Variants in MBP observed in about 807,000 individuals in gnomAD.
MBP encodes the protein myelin basic protein.
Under a neutral mutation model 35.8 loss-of-function variants are expected in MBP, and 16 were observed. The ratio of observed to expected loss-of-function variants is 0.45; its 90% CI spans 0.30 to 0.68. MBP has a LOEUF of 0.68. MBP is among the 30% of genes least tolerant of loss of function. MBP has a pLI of 0.08. For synonymous variants in MBP, 143 were observed against 159.6 expected, an observed-to-expected ratio of 0.90 and a Z score of 0.78; for missense variants, 380 against 404.7, an observed-to-expected ratio of 0.94 and a Z score of 0.52.
At chr18:77,062,248 G>A (rs184011506) in intron 3 of MBP, among the ~76,000 whole-genome samples, 17 of 152,304 alleles carry the variant, frequency 1.1e-4, no homozygotes, top group Non-Finnish European at 2.2e-4. Context: ...TTAGCCCCAC[G>A]ATTAGTCAAC....
intron 2 of MBP, among the ~76,000 whole-genome samples, chr18:77,067,218 C>G (rs1974236051): frequency 1.3e-5 from 2 of 152,236 alleles, no homozygotes; most frequent in African/African-American, 4.8e-5. Context: ...CCCCCCCGCC[C>G]CCTTCTGGGA....
chr18:76,998,012 T>C (rs1232521431), intron 4 of MBP, among the ~76,000 whole-genome samples: 2 of 152,222 alleles, frequency 1.3e-5, no homozygotes, highest in Admixed American at 6.5e-5. Context: ...AATTTTTTTA[T>C]TGTGGTGAAA....
chr18:77,096,416 G>A (rs75966515), intron 2 of MBP, among the ~76,000 whole-genome samples: 7,715 of 152,148 alleles, frequency 0.051, 287 homozygotes, highest in Middle Eastern at 0.11. Context: ...GGTGCAGAGC[G>A]TATGCCTCAT....
At chr18:77,123,303 T>C (rs1976945731) in intron 1 of MBP, among the ~76,000 whole-genome samples, 1 of 152,242 alleles carries the variant, frequency 6.6e-6, no homozygotes, top group African/African-American at 2.4e-5. Context: ...GGACATAAAA[T>C]GTTATTCTCT....
At chr18:77,055,686 C>G (rs1309639960) in intron 3 of MBP, among the ~76,000 whole-genome samples, 1 of 151,778 alleles carries the variant, frequency 6.6e-6, no homozygotes, top group African/African-American at 2.4e-5. Context: ...TCCATTATTG[C>G]TTTAAATAAG....
intron 3 of MBP, among the ~76,000 whole-genome samples, chr18:77,060,733 G>T (rs528526819): frequency 6.6e-6 from 1 of 152,304 alleles, no homozygotes; most frequent in Non-Finnish European, 1.5e-5. Context: ...TTATAGGCAT[G>T]AGCCATCATA....
intron 1 of MBP, among the ~76,000 whole-genome samples, chr18:77,128,519 T>TA (rs1568353459): frequency 7.7e-5 from 8 of 103,366 alleles, no homozygotes; most frequent in East Asian, 4.9e-4. Context: ...CGCACGTGCA[T>TA]ACCACACACA....
chr18:76,980,258 C>T lies in MBP; in HGVS notation c.*169G>A, dbSNP rs959432937. ...TTCATGTTCTCATTTAACTGTTGGCCGGAAATTGCCGGTAGGCTGCCGTGG... is the reference window on the plus strand; with the variant it reads ...TTCATGTTCTCATTTAACTGTTGGCTGGAAATTGCCGGTAGGCTGCCGTGG... On this transcript the variant is annotated 3_prime_UTR_variant, in exon 9 of 9. Transcript: ENST00000355994. 7 of 733,010 alleles carry T rather than the reference C, an allele frequency of 9.5e-6. No homozygotes were observed. The highest frequency in any genetic ancestry group is 4.6e-5 in the South Asian group (3 of 65,894). The allele number at this position is 733,010 out of a possible 1,614,324, so 45.4% of individuals were successfully genotyped here.
upstream of MBP, among the ~76,000 whole-genome samples, chr18:77,133,203 C>T (rs9952636): frequency 6.6e-6 from 1 of 152,200 alleles, no homozygotes; most frequent in Admixed American, 6.5e-5. Context: ...AGCCCCGGCC[C>T]TGCAGGAGGA....
chr18:76,987,648 C>T, intron 7 of MBP: 1 of 988,144 alleles, frequency 1.0e-6, no homozygotes, highest in Non-Finnish European at 1.2e-6. Context: ...AGGCTCTGTT[C>T]TAGCGTATGA....
chr18:77,053,494 A>G (rs1297441452), intron 3 of MBP, among the ~76,000 whole-genome samples: 1 of 152,232 alleles, frequency 6.6e-6, no homozygotes, highest in Non-Finnish European at 1.5e-5. Flanking sequence ...GTCAGTTGGA[A>G]CAGCATTTCT....
Position 76,989,186 on chromosome 18 carries a change from C to T in MBP, c.682-274G>A. ...CTCCGTAGCTGGGGAATGGGCCCAT[C>T]TTGGGACACTGAGGGAGGCGGCGGA... On this transcript the variant is annotated intron_variant, in intron 5 of 8. Coordinates refer to ENST00000355994, the MANE Select transcript of MBP (RefSeq NM_001025101.2). The surrounding 1 kb of genome is among the most constrained non-coding windows in gnomAD (Gnocchi z 4.0). 1 of 635,782 alleles carries T rather than the reference C, an allele frequency of 1.6e-6. No homozygotes were observed. Among genetic ancestry groups the T allele is most frequent in the Non-Finnish European group, 2.9e-6 (1 of 344,506 alleles). The allele number at this position is 635,782 out of a possible 1,614,324, so 39.4% of individuals were successfully genotyped here.
In MBP at chr18:76,988,967, T is replaced by C. The variant is rs1394561486; in HGVS notation, c.682-55A>G. ...ACTGGGAGCCCTGTGCCGCCGTCCA[T>C]TTCCTAACGGGCTCCTGCCTGCTGA... On this transcript the variant is annotated intron_variant, in intron 5 of 8. Transcript: ENST00000355994. The surrounding 1 kb of genome is among the most constrained non-coding windows in gnomAD (Gnocchi z 5.2). The C allele has an allele frequency of 5.1e-6, 8 of 1,565,878 alleles. No homozygotes were observed. The highest frequency in any genetic ancestry group is 2.7e-5 in the African/African-American group (2 of 73,916).
chr18:77,121,850 T>C (rs913563109), intron 1 of MBP, among the ~76,000 whole-genome samples: 1 of 152,212 alleles, frequency 6.6e-6, no homozygotes, highest in Non-Finnish European at 1.5e-5. Context: ...CATTTTCAGA[T>C]AGCCGAAAGA....
intron 2 of MBP, among the ~76,000 whole-genome samples, chr18:77,069,374 T>G (rs996375857): frequency 6.6e-6 from 1 of 152,232 alleles, no homozygotes; most frequent in Non-Finnish European, 1.5e-5. Flanking sequence ...ACATCCTGCT[T>G]CTATGCTAAT....
chr18:77,002,521 G>T (rs1021926849), intron 4 of MBP, among the ~76,000 whole-genome samples: 2 of 152,118 alleles, frequency 1.3e-5, no homozygotes, highest in Admixed American at 6.5e-5. Flanking sequence ...TCCCCAAAAG[G>T]ATTCAATGCA....
At chr18:77,055,095 A>G (rs35726542) in intron 3 of MBP, among the ~76,000 whole-genome samples, 43,508 of 152,212 alleles carry the variant, frequency 0.29, 7,582 homozygotes, top group Non-Finnish European at 0.38. Context: ...CTGGGCACGC[A>G]CATCGTGGAT....
intron 7 of MBP, chr18:76,985,458 A>C (rs1477932638): frequency 8.4e-7 from 1 of 1,188,566 alleles, no homozygotes; most frequent in African/African-American, 1.6e-5. Context: ...CCTCGGCCTT[A>C]GTAAAATGTC....
In MBP at chr18:77,054,940, G is replaced by A. The variant is rs980389399; in HGVS notation, c.139+11358C>T. Among the ~76,000 whole-genome samples, 5 of 152,196 alleles carry A rather than the reference G, an allele frequency of 3.3e-5. No individual in the cohort carries two copies. The South Asian group carries it at 8.3e-4, about 25-fold the overall frequency. On this transcript the variant is annotated intron_variant, in intron 3 of 8. Coordinates refer to ENST00000355994, the MANE Select transcript of MBP (RefSeq NM_001025101.2). ...AGGAAAATGACCTTTGGCACAGAAA[G>A]CCCAGAGGAGAAGGTGAGGGACTTG...
Sources: gnomAD v4.1 joint callset for allele counts (sites outside exome capture counted in the v4.1 genomes callset) on GRCh38, gnomAD v4.1.1 for gene constraint, Gnocchi (gnomAD v3.1) non-coding constraint, MANE v1.5 for transcripts, NCBI Gene and HGNC (gene_info 2026-07-23, HGNC 2026-07-21) for gene names.